WWP2: variants seen among roughly 807,000 people sequenced by gnomAD.
WWP2 encodes WW domain containing E3 ubiquitin protein ligase 2.
Under a neutral mutation model 121.0 loss-of-function variants are expected in WWP2, and 57 were observed. The ratio of observed to expected loss-of-function variants is 0.47; its 90% CI spans 0.38 to 0.59. The LOEUF is 0.59. Among genes scored for constraint, WWP2 ranks in the 20% least tolerant of loss-of-function variants. WWP2 has a pLI of 0.00. For missense variants in WWP2, 962 were observed against 1,158.9 expected (o/e 0.83, Z 2.47); for synonymous variants, 449 against 441.3 (o/e 1.02, Z -0.22).
rs528448051 is a variant in WWP2, at chr16:69,804,376, G to C, written c.340+5081G>C. 2.0e-5 allele frequency among the ~76,000 whole-genome samples: 3 copies of C among 152,210 alleles called. No individual in the cohort carries two copies. The South Asian group carries it at 6.2e-4, about 32-fold the overall frequency. On this transcript the variant is annotated intron_variant, in intron 4 of 23. Coordinates refer to ENST00000359154, the MANE Select transcript of WWP2 (RefSeq NM_001270454.2). The stretch of plus-strand genomic sequence containing the variant: ...CCACATGAGTTTATTTTTGTGCCCA[G>C]TACAAATAGGGATCTAATTCATTTT...
chr16:69,797,959 C>A (rs2056082222), intron 2 of WWP2, among the ~76,000 whole-genome samples: 1 of 152,138 alleles, frequency 6.6e-6, no homozygotes, highest in African/African-American at 2.4e-5. Context: ...CTGAAGCAGC[C>A]CTCCCACCTT....
chr16:69,802,848 G>A (rs1240806202), intron 4 of WWP2, among the ~76,000 whole-genome samples: 1 of 151,854 alleles, frequency 6.6e-6, no homozygotes, highest in Non-Finnish European at 1.5e-5. Context: ...CAAGTGATCT[G>A]CCCACCTTGG....
chr16:69,916,518 G>T (rs1370719613), intron 9 of WWP2, among the ~76,000 whole-genome samples: 2 of 152,172 alleles, frequency 1.3e-5, no homozygotes, highest in African/African-American at 4.8e-5. Context: ...GGTTAATTCT[G>T]GGGTAGGAGC....
chr16:69,914,725 C>G (rs1438779224), intron 9 of WWP2, among the ~76,000 whole-genome samples: 1 of 152,116 alleles, frequency 6.6e-6, no homozygotes, highest in African/African-American at 2.4e-5. Context: ...CACTGCACTC[C>G]AGCCTGGGCA....
chr16:69,799,277 A>G lies in WWP2; in HGVS notation c.322A>G (p.Lys108Glu). ...ATCTGTCAACCTCTCCAACGTCTTG[A>G]AGAACAATGGGGGCAAAAGTACGTA... ...TASVNLSNVL[K>E]NNGGKMENMQ... Residue 108 changes from lysine to glutamate, a missense_variant, in exon 4 of 24, where the codon AAG becomes GAG. This residue lies in a region of WWP2 where 145 missense variants were observed against 189.8 expected (regional missense o/e 0.76). Coordinates refer to ENST00000359154, the MANE Select transcript of WWP2 (RefSeq NM_001270454.2). The surrounding 1 kb of genome is among the most constrained non-coding windows in gnomAD (Gnocchi z 4.5). 1 of 1,613,972 alleles carries G rather than the reference A, an allele frequency of 6.2e-7. No individual in the cohort carries two copies. The highest frequency in any genetic ancestry group is 8.5e-7 in the Non-Finnish European group (1 of 1,179,954).
At chr16:69,931,684 G>A in intron 15 of WWP2, 104 bp downstream of exon 15, 2 of 1,578,918 alleles carry the variant, frequency 1.3e-6, no homozygotes, top group East Asian at 2.2e-5. Context: ...ACTTTCCAGG[G>A]CGTGAGTCTT....
At chr16:69,879,162 T>C (rs1364495626) in intron 7 of WWP2, among the ~76,000 whole-genome samples, 3 of 152,216 alleles carry the variant, frequency 2.0e-5, no homozygotes, top group Admixed American at 1.3e-4. Flanking sequence ...TTTTAGAGGT[T>C]TATATAAGTT....
intron 3 of WWP2, 35 bp downstream of exon 3, chr16:69,798,864 G>A (rs1428149856): frequency 6.2e-7 from 1 of 1,609,494 alleles, no homozygotes; most frequent in Non-Finnish European, 8.5e-7. Context: ...AACGCAGCAA[G>A]ATGGGGAAAG....
chr16:69,896,983 T>A (rs1474921087), intron 8 of WWP2, among the ~76,000 whole-genome samples: 1 of 152,168 alleles, frequency 6.6e-6, no homozygotes, highest in Non-Finnish European at 1.5e-5. Flanking sequence ...TCCATTCGTT[T>A]TTATTGTAAA....
chr16:69,929,104 C>A (rs2058676663), intron 11 of WWP2, among the ~76,000 whole-genome samples: 1 of 152,102 alleles, frequency 6.6e-6, no homozygotes, highest in African/African-American at 2.4e-5. Flanking sequence ...TGCCCGGCTT[C>A]CATGCTGCAC....
chr16:69,790,456 A>G (rs2055885462), intron 2 of WWP2, among the ~76,000 whole-genome samples: 1 of 152,180 alleles, frequency 6.6e-6, no homozygotes, highest in Non-Finnish European at 1.5e-5. Context: ...GAGGAGGAAG[A>G]GGAAGGATTG....
intron 4 of WWP2, among the ~76,000 whole-genome samples, chr16:69,819,640 C>G (rs548587783): frequency 6.6e-6 from 1 of 152,178 alleles, no homozygotes; most frequent in East Asian, 1.9e-4. Context: ...ACTCCTGGCC[C>G]CAAGCAATCT....
At chr16:69,840,004 A>C in intron 4 of WWP2, 122 bp from the exon 5 acceptor site, 1 of 1,380,682 alleles carries the variant, frequency 7.2e-7, no homozygotes, top group Non-Finnish European at 1.0e-6. Context: ...CAAAATGTGA[A>C]GATGTGGAGA....
chr16:69,836,943 G>C (rs1379278234), intron 4 of WWP2, among the ~76,000 whole-genome samples: 1 of 149,598 alleles, frequency 6.7e-6, no homozygotes, highest in Non-Finnish European at 1.5e-5. Context: ...ACTTTTTTGA[G>C]ACGCAGTCTC....
intron 4 of WWP2, among the ~76,000 whole-genome samples, chr16:69,823,668 A>G (rs979633526): frequency 2.6e-5 from 4 of 152,220 alleles, no homozygotes; most frequent in African/African-American, 9.6e-5. Flanking sequence ...GGGTTTTGCC[A>G]TGTTGGCCCT....
intron 7 of WWP2, among the ~76,000 whole-genome samples, chr16:69,881,673 A>G (rs75905191): frequency 0.018 from 2,697 of 152,274 alleles, 73 homozygotes; most frequent in African/African-American, 0.061. Flanking sequence ...AAACAAAAAG[A>G]ACCTGTGGTT....
At chr16:69,764,928 A>T (rs1310579480) in intron 1 of WWP2, among the ~76,000 whole-genome samples, 1 of 152,246 alleles carries the variant, frequency 6.6e-6, no homozygotes, top group African/African-American at 2.4e-5. Flanking sequence ...AGTTGGTCAG[A>T]CATGGTGGCT....
intron 6 of WWP2, among the ~76,000 whole-genome samples, chr16:69,869,410 A>G (rs2057590211): frequency 6.7e-6 from 1 of 149,854 alleles, no homozygotes; most frequent in African/African-American, 2.5e-5. Flanking sequence ...TTTGTTAAAC[A>G]AGGTCTCACT....
intron 6 of WWP2, among the ~76,000 whole-genome samples, chr16:69,853,534 G>C (rs1303193696): frequency 1.3e-5 from 2 of 152,196 alleles, no homozygotes; most frequent in Non-Finnish European, 2.9e-5. Context: ...ATCTGCAGGA[G>C]GGTCTGGAAG....
Sources: gnomAD v4.1 joint callset for allele counts (sites outside exome capture counted in the v4.1 genomes callset) on GRCh38, gnomAD v4.1.1 for gene constraint, gnomAD v4.1.1 regional missense constraint, Gnocchi (gnomAD v3.1) non-coding constraint, MANE v1.5 for transcripts, NCBI Gene and HGNC (gene_info 2026-07-23, HGNC 2026-07-21) for gene names.